The following CYBRD1 variants were observed in gnomAD, a reference collection of about 807,000 sequenced individuals.
CYBRD1 encodes plasma membrane ascorbate-dependent reductase CYBRD1.
In CYBRD1, 14 loss-of-function variants were observed where a neutral mutation model predicts 21.9. That is an observed-to-expected ratio of 0.64 (90% CI 0.42 to 1.00). The LOEUF (loss-of-function observed/expected upper bound fraction) is 1.00. CYBRD1 is among the 50% of genes least tolerant of loss of function. The probability of loss-of-function intolerance (pLI) is 0.00; values close to 1 mark genes in which losing one functional copy is unlikely to be tolerated. For missense variants in CYBRD1, 328 were observed against 352.5 expected, an observed-to-expected ratio of 0.93 and a Z score of 0.56; for synonymous variants, 146 against 136.5, an observed-to-expected ratio of 1.07 and a Z score of -0.48.
intron 2 of CYBRD1, among the ~76,000 whole-genome samples, chr2:171,545,375 AC>A (rs1351937892): frequency 4.8e-5 from 6 of 126,052 alleles, no homozygotes; most frequent in African/African-American, 1.6e-4. Context: ...AGATGAATAT[AC>A]CTTTTTTGTT....
intron 1 of CYBRD1, among the ~76,000 whole-genome samples, chr2:171,523,911 C>G (rs766470865): frequency 6.6e-6 from 1 of 152,170 alleles, no homozygotes; most frequent in Admixed American, 6.5e-5. Context: ...AGAGGAGTAG[C>G]AAGGGTTTGG....
upstream of CYBRD1, chr2:171,522,313 C>T (rs200944459): frequency 1.6e-3 from 2,384 of 1,528,372 alleles, 3 homozygotes; most frequent in Non-Finnish European, 2.0e-3. The surrounding 1 kb of genome is among the most constrained non-coding windows in gnomAD (Gnocchi z 4.3). Context: ...AGGCAATGAG[C>T]GCCCTCGGCG....
At chr2:171,528,565 C>A (rs1369807849) in intron 1 of CYBRD1, among the ~76,000 whole-genome samples, 1 of 152,098 alleles carries the variant, frequency 6.6e-6, no homozygotes, top group Non-Finnish European at 1.5e-5. Context: ...GTCTTCTGAC[C>A]ACTTCTTTTT....
intron 2 of CYBRD1, among the ~76,000 whole-genome samples, chr2:171,546,182 T>C (rs1275207497): frequency 6.6e-6 from 1 of 152,184 alleles, no homozygotes. Context: ...GAAAACAGGA[T>C]TTGCAATTAG....
chr2:171,525,405 T>G lies in CYBRD1; in HGVS notation c.193+2667T>G, dbSNP rs116043866. ...ATGTTTTCATACATGTAGGCACATGTATAGTTCTCCCCAGTTCTTCCATAT... is the reference window on the plus strand; with the variant it reads ...ATGTTTTCATACATGTAGGCACATGGATAGTTCTCCCCAGTTCTTCCATAT... On this transcript the variant is annotated intron_variant, in intron 1 of 3. Transcript: ENST00000321348. Among the ~76,000 whole-genome samples the G allele has an allele frequency of 5.1e-3, 784 of 152,340 alleles. 6 individuals carry two copies. Among genetic ancestry groups the G allele is most frequent in the Non-Finnish European group, 8.8e-3 (596 of 68,032 alleles).
At chr2:171,545,309 T>C (rs1007040678) in intron 2 of CYBRD1, among the ~76,000 whole-genome samples, 1 of 152,090 alleles carries the variant, frequency 6.6e-6, no homozygotes, top group African/African-American at 2.4e-5. Context: ...TTTGTTTTTC[T>C]TCTTAAATCA....
In CYBRD1 at chr2:171,555,050, A is replaced by T. The variant is rs1683458499; in HGVS notation, c.*223A>T. On this transcript the variant is annotated 3_prime_UTR_variant, in exon 4 of 4. Transcript: ENST00000321348. ...ATAATAGCAGATATAAATTGTGGTT[A>T]TGTTACCTTTATCTTGTTGAGGACC... 1 of 579,132 alleles carries T rather than the reference A, an allele frequency of 1.7e-6. No individual in the cohort carries two copies. Among genetic ancestry groups the T allele is most frequent in the African/African-American group, 1.9e-5 (1 of 53,320 alleles). The allele number at this position is 579,132 out of a possible 1,614,324, so 35.9% of individuals were successfully genotyped here.
At chr2:171,530,988 C>CAA (rs978931573) in intron 1 of CYBRD1, among the ~76,000 whole-genome samples, 24 of 149,728 alleles carry the variant, frequency 1.6e-4, no homozygotes, top group Admixed American at 1.3e-3. Context: ...CCCATCTCTA[C>CAA]AAAAAAAAAT....
intron 2 of CYBRD1, among the ~76,000 whole-genome samples, chr2:171,547,434 T>C (rs1321210946): frequency 9.3e-6 from 1 of 107,968 alleles, no homozygotes; most frequent in Non-Finnish European, 1.9e-5. Flanking sequence ...ATTTGGGTGC[T>C]CTTTTTTTTT....
At chr2:171,541,564 T>C (rs1331196338) in intron 1 of CYBRD1, 21 bp from the exon 2 acceptor site, 1 of 1,609,676 alleles carries the variant, frequency 6.2e-7, no homozygotes, top group Non-Finnish European at 8.5e-7. Context: ...ACACATTCTG[T>C]GTCCTTTCGT....
At chr2:171,524,978 C>T (rs1479039442) in intron 1 of CYBRD1, among the ~76,000 whole-genome samples, 1 of 152,116 alleles carries the variant, frequency 6.6e-6, no homozygotes, top group Non-Finnish European at 1.5e-5. Context: ...TGCTCTGTCG[C>T]CCAGGCTGGA....
At chr2:171,525,126 C>T (rs1240763158) in intron 1 of CYBRD1, among the ~76,000 whole-genome samples, 6 of 152,058 alleles carry the variant, frequency 3.9e-5, no homozygotes. Flanking sequence ...TTAGTAGAGA[C>T]GGGGTTTCAC....
At chr2:171,525,138 A>T (rs890132386) in intron 1 of CYBRD1, among the ~76,000 whole-genome samples, 3 of 152,050 alleles carry the variant, frequency 2.0e-5, no homozygotes, top group African/African-American at 7.2e-5. Flanking sequence ...GGGTTTCACC[A>T]TGTTGGCCAG....
chr2:171,526,864 TTTA>T (rs1697393610), intron 1 of CYBRD1, among the ~76,000 whole-genome samples: 1 of 152,022 alleles, frequency 6.6e-6, no homozygotes, highest in South Asian at 2.1e-4. Context: ...TAGAACTCCT[TTTA>T]TTGTATAAAC....
rs377410616 is a variant in CYBRD1 at position 171,541,701 on chromosome 2, G to A, written c.310G>A (p.Val104Met). 2.0e-5 allele frequency: 32 copies of A among 1,613,620 alleles called. No homozygotes were observed. The African/African-American group carries it at 3.6e-4, about 18-fold the overall frequency. ...AILAIISVVA[V>M]FENHNVNNIA... ...TCTTGCAATTATCTCTGTGGTGGCC[G>A]TGTTTGAGAACCACAATGTTAACAA... The change falls in exon 2 of 4, where the codon GTG becomes ATG. Residue 104 changes from valine (V) to methionine (M), a missense_variant. By Grantham distance (21) the Val-to-Met change is conservative. Coordinates refer to ENST00000321348, the MANE Select transcript of CYBRD1 (RefSeq NM_024843.4).
chr2:171,534,923 C>T (rs143164422), intron 1 of CYBRD1, among the ~76,000 whole-genome samples: 1,688 of 152,282 alleles, frequency 0.011, 35 homozygotes, highest in Admixed American at 0.047. Flanking sequence ...CACCTGTAAT[C>T]CCAGTTACAG....
At position 171,522,877 on chromosome 2, in the gene CYBRD1, G is replaced by A. The variant is rs1697329337; in HGVS notation, c.193+139G>A. 1.4e-6 allele frequency: 2 copies of A among 1,393,334 alleles called. No individual in the cohort carries two copies. The highest frequency in any genetic ancestry group is 1.9e-6 in the Non-Finnish European group (2 of 1,031,386). The allele number at this position is 1,393,334 out of a possible 1,614,324, so 86.3% of individuals were successfully genotyped here. ...GGAGGAGTGCGGTGAGGAGCGCGCG[G>A]GAAGCCAAGTCGGCTGGGCGGGAGG... On this transcript the variant is annotated intron_variant, in intron 1 of 3. Transcript: ENST00000321348. This position sits in a 1 kb window ranked among gnomAD's most constrained non-coding sequence, Gnocchi z 4.3.
upstream of CYBRD1, chr2:171,522,376 C>A: frequency 2.0e-6 from 3 of 1,495,986 alleles, no homozygotes; most frequent in Non-Finnish European, 2.7e-6. The surrounding 1 kb of genome is among the most constrained non-coding windows in gnomAD (Gnocchi z 4.3). Flanking sequence ...CAGCTCCCCA[C>A]CCCCAAGAGG....
intron 2 of CYBRD1, among the ~76,000 whole-genome samples, chr2:171,542,593 G>A (rs1697651259): frequency 6.6e-6 from 1 of 152,208 alleles, no homozygotes; most frequent in Non-Finnish European, 1.5e-5. Flanking sequence ...TGTGGGTCCT[G>A]GCTGGGCATA....
Sources: allele counts gnomAD v4.1 joint callset (sites outside exome capture counted in the v4.1 genomes callset), GRCh38; gene constraint gnomAD v4.1.1; non-coding constraint Gnocchi (gnomAD v3.1); transcripts MANE v1.5; gene names NCBI Gene and HGNC (gene_info 2026-07-23, HGNC 2026-07-21).